The following RPRD2 variants were observed in gnomAD, a reference collection of about 807,000 sequenced individuals.
The protein encoded by RPRD2 is regulation of nuclear pre-mRNA domain containing 2.
Under a neutral mutation model 104.4 loss-of-function variants are expected in RPRD2, and 12 were observed. The ratio of observed to expected loss-of-function variants is 0.11; its 90% confidence interval spans 0.07 to 0.19. The LOEUF is 0.19. Ranked by LOEUF, RPRD2 falls within the 10% of genes least tolerant of loss-of-function variation. The probability of loss-of-function intolerance (pLI) is 1.00; values close to 1 mark genes in which losing one functional copy is unlikely to be tolerated. For missense variants in RPRD2, 1,543 were observed against 1,790.1 expected, an observed-to-expected ratio of 0.86 and a Z score of 2.49; for synonymous variants, 714 against 684.9, an observed-to-expected ratio of 1.04 and a Z score of -0.66.
Position 150,364,845 on chromosome 1 carries a change from TGTC to T in RPRD2, c.135_137del (p.Ser46del). On this transcript the variant is annotated inframe_deletion, in exon 1 of 11. Coordinates refer to ENST00000369068, the MANE Select transcript of RPRD2 (RefSeq NM_015203.5). The stretch of plus-strand genomic sequence containing the variant: ...AACACCATGGAGTCCATTCAAGGCT[TGTC>T]GTCTTGGTGTATAGAGAACAAAAAA... The T allele has an allele frequency of 6.2e-7, 1 of 1,613,878 alleles. No homozygotes were observed. The highest frequency in any genetic ancestry group is 8.5e-7 in the Non-Finnish European group (1 of 1,179,774).
At chr1:150,405,596 A>G (rs587615567) in intron 1 of RPRD2, among the ~76,000 whole-genome samples, 160 of 152,272 alleles carry the variant, frequency 1.1e-3, no homozygotes, top group South Asian at 2.1e-3. Context: ...CATCATCTTT[A>G]TGAAGATAAT....
chr1:150,387,608 T>TTTTTTG (rs1661681822), intron 1 of RPRD2, among the ~76,000 whole-genome samples: 1 of 106,830 alleles, frequency 9.4e-6, no homozygotes, highest in East Asian at 2.5e-4. Flanking sequence ...TTTTTTTTTT[T>TTTTTTG]GAGACGGAGT....
intron 1 of RPRD2, among the ~76,000 whole-genome samples, chr1:150,378,675 T>C (rs1660897782): frequency 3.9e-5 from 6 of 152,148 alleles, no homozygotes; most frequent in Admixed American, 3.9e-4. Context: ...ATAGTTATTT[T>C]TAATTAAGAA....
intron 2 of RPRD2, among the ~76,000 whole-genome samples, chr1:150,435,838 C>T (rs1299132006): frequency 6.6e-6 from 1 of 152,208 alleles, no homozygotes; most frequent in African/African-American, 2.4e-5. Context: ...ATGAAACAGC[C>T]TTCTGTTGGA....
In RPRD2 at chr1:150,417,577, T is replaced by C. The variant is rs1426980369; in HGVS notation, c.206-19T>C. ...AATTGACTCATTTGGTTTTATTTAT[T>C]GTCTTTTGTCATCTCTAGCTGCATA... On this transcript the variant is annotated intron_variant, in intron 1 of 10. Coordinates refer to ENST00000369068, the MANE Select transcript of RPRD2 (RefSeq NM_015203.5). 1.3e-6 allele frequency: 2 copies of C among 1,501,852 alleles called. No individual in the cohort carries two copies. The highest frequency in any genetic ancestry group is 2.8e-5 in the African/African-American group (2 of 72,230). 93.0% of individuals were successfully genotyped at this position (1,501,852 alleles called of 1,614,324 possible).
Position 150,473,030 on chromosome 1 carries a change from G to T in RPRD2, c.4082G>T (p.Gly1361Val). ...GPTQRDLNGP[G>V]LSRVRESLTL... ...ACCCAACGGGACCTCAACGGCCCTG[G>T]CCTTAGCCGTGTACGAGAGAGCCTC... The change falls in exon 11 of 11, where the codon GGC (glycine) becomes GTC (valine). Residue 1361 changes from glycine to valine, a missense_variant. Gly to Val is a moderately radical substitution (Grantham distance 109). Coordinates refer to ENST00000369068, the MANE Select transcript of RPRD2 (RefSeq NM_015203.5). 1 of 1,613,998 alleles carries T rather than the reference G, an allele frequency of 6.2e-7. No individual in the cohort carries two copies. The highest frequency in any genetic ancestry group is 8.5e-7 in the Non-Finnish European group (1 of 1,179,894).
rs1466054655 is a variant in RPRD2, at chr1:150,470,929, T to G, written c.1981T>G (p.Ser661Ala). The stretch of plus-strand genomic sequence containing the variant: ...AGAGGTCTCCAAGCCAAAGCTGGAG[T>G]CAGAGTCCACCTCCCCAAGCCTGGA... The part of the protein sequence containing the change: ...SSEVSKPKLE[S>A]ESTSPSLEMK... Residue 661 changes from serine (S) to alanine (A), a missense_variant, in exon 11 of 11, where the codon TCA becomes GCA. Coordinates refer to ENST00000369068, the MANE Select transcript of RPRD2 (RefSeq NM_015203.5). 2 of 1,613,666 alleles carry G rather than the reference T, an allele frequency of 1.2e-6. No individual in the cohort carries two copies. Among genetic ancestry groups the G allele is most frequent in the Non-Finnish European group, 1.7e-6 (2 of 1,179,854 alleles).
intron 1 of RPRD2, among the ~76,000 whole-genome samples, chr1:150,397,484 T>A (rs1553884426): frequency 1.3e-5 from 2 of 152,194 alleles, no homozygotes; most frequent in African/African-American, 4.8e-5. Flanking sequence ...TCCCCATTTT[T>A]ATTGAACCCC....
intron 1 of RPRD2, among the ~76,000 whole-genome samples, chr1:150,408,638 T>C (rs187380884): frequency 1.3e-5 from 2 of 152,308 alleles, no homozygotes; most frequent in Admixed American, 1.3e-4. Context: ...CATAATGGTA[T>C]ATGTACATTT....
chr1:150,453,534 G>A (rs192122271), intron 7 of RPRD2, among the ~76,000 whole-genome samples: 1 of 152,182 alleles, frequency 6.6e-6, no homozygotes, highest in African/African-American at 2.4e-5. Context: ...AATGGGTTGT[G>A]GACTAAATTG....
intron 2 of RPRD2, among the ~76,000 whole-genome samples, chr1:150,423,361 A>ATATC (rs1664894554): frequency 2.6e-5 from 4 of 152,164 alleles, no homozygotes; most frequent in African/African-American, 9.7e-5. Context: ...TTGTGTCAGG[A>ATATC]TGGTGTAAGA....
intron 8 of RPRD2, among the ~76,000 whole-genome samples, chr1:150,458,794 C>T (rs1667723234): frequency 6.6e-6 from 1 of 152,028 alleles, no homozygotes; most frequent in South Asian, 2.1e-4. Flanking sequence ...TAGGTGCATA[C>T]CACCACACCC....
intron 1 of RPRD2, among the ~76,000 whole-genome samples, chr1:150,412,177 T>C (rs1553887824): frequency 1.3e-5 from 2 of 152,180 alleles, no homozygotes; most frequent in African/African-American, 4.8e-5. Context: ...TGGATGCTTA[T>C]AATCCAGTGA....
At chr1:150,446,497 T>G (rs1666780841) in intron 7 of RPRD2, 96 bp downstream of exon 7, 1 of 1,064,800 alleles carries the variant, frequency 9.4e-7, no homozygotes. Context: ...GATATGCATT[T>G]TTATCTCCTT....
chr1:150,419,566 G>C (rs1664613454), intron 2 of RPRD2, among the ~76,000 whole-genome samples: 1 of 152,148 alleles, frequency 6.6e-6, no homozygotes, highest in Non-Finnish European at 1.5e-5. Flanking sequence ...ATTATACAAA[G>C]TGCTTTATCA....
intron 1 of RPRD2, among the ~76,000 whole-genome samples, chr1:150,377,233 G>A (rs587612068): frequency 6.6e-6 from 1 of 151,920 alleles, no homozygotes; most frequent in African/African-American, 2.4e-5. Context: ...AAAAAGAAAG[G>A]AAATATTGAG....
At chr1:150,383,566 C>G (rs1661317198) in intron 1 of RPRD2, among the ~76,000 whole-genome samples, 1 of 152,040 alleles carries the variant, frequency 6.6e-6, no homozygotes, top group African/African-American at 2.4e-5. Flanking sequence ...ATCCACCTGC[C>G]TCGGCCTCCC....
chr1:150,464,362 G>GT (rs34642023), intron 9 of RPRD2, among the ~76,000 whole-genome samples, 165 bp from the exon 10 acceptor site: 2,451 of 131,068 alleles, frequency 0.019, 54 homozygotes, highest in African/African-American at 0.053. Flanking sequence ...TCTTTTCAGG[G>GT]TTTTTTTTTT....
intron 1 of RPRD2, among the ~76,000 whole-genome samples, chr1:150,373,742 A>G (rs1272872490): frequency 6.6e-6 from 1 of 152,052 alleles, no homozygotes; most frequent in Admixed American, 6.5e-5. Flanking sequence ...GTACAATTCA[A>G]TTGTTTTAGT....
Sources: allele counts gnomAD v4.1 joint callset (sites outside exome capture counted in the v4.1 genomes callset), GRCh38; gene constraint gnomAD v4.1.1; transcripts MANE v1.5; gene names NCBI Gene and HGNC (gene_info 2026-07-23, HGNC 2026-07-21).